The following BAZ2B variants were observed in gnomAD, a reference collection of about 807,000 sequenced individuals.
BAZ2B encodes the protein bromodomain adjacent to zinc finger domain protein 2B.
Under a neutral mutation model 246.0 loss-of-function variants are expected in BAZ2B, and 91 were observed. The observed-to-expected ratio is 0.37, with a 90% confidence interval of 0.31 to 0.44. The LOEUF is 0.44. Ranked by LOEUF, BAZ2B falls within the 20% of genes least tolerant of loss-of-function variation. The pLI is 1.00. For synonymous variants in BAZ2B, 855 were observed against 860.0 expected (o/e 0.99, Z 0.10); for missense variants, 2,332 against 2,533.7 (o/e 0.92, Z 1.71).
chr2:159,690,512 T>C, the BAZ2B span, among the ~76,000 whole-genome samples: 1 of 152,118 alleles, frequency 6.6e-6, no homozygotes, highest in South Asian at 2.1e-4. Context: ...TAGTTATTGA[T>C]ACATATATAT....
At chr2:159,711,356 T>C in the BAZ2B span, among the ~76,000 whole-genome samples, 2 of 152,232 alleles carry the variant, frequency 1.3e-5, no homozygotes, top group Admixed American at 1.3e-4. Context: ...TACCTTTAAG[T>C]CTTTAAAATT....
At chr2:159,324,478 T>G (rs2063160000) in intron 36 of BAZ2B, among the ~76,000 whole-genome samples, 2 of 152,100 alleles carry the variant, frequency 1.3e-5, no homozygotes, top group African/African-American at 4.8e-5. Flanking sequence ...GTTACTTACT[T>G]TGGGAGGCTC....
chr2:159,347,410 CAT>C, intron 31 of BAZ2B, 74 bp downstream of exon 31: 2 of 1,418,380 alleles, frequency 1.4e-6, no homozygotes, highest in East Asian at 4.6e-5. Flanking sequence ...CATTAACTAG[CAT>C]ATATTAGGCA....
At chr2:159,400,730 G>C in intron 16 of BAZ2B, 66 bp from the exon 17 acceptor site, 2 of 961,096 alleles carry the variant, frequency 2.1e-6, no homozygotes, top group Non-Finnish European at 3.2e-6. Flanking sequence ...GTATTTGAGT[G>C]GAATCAAATA....
At chr2:159,316,420 C>T (rs1023818299), downstream of BAZ2B, among the ~76,000 whole-genome samples, 18 of 151,930 alleles carry the variant, frequency 1.2e-4, no homozygotes, top group African/African-American at 4.1e-4. Context: ...TGGCCGGGCG[C>T]GGTGGCTCAC....
At chr2:159,576,411 CAAAT>C (rs1685302380) in intron 1 of BAZ2B, among the ~76,000 whole-genome samples, 1 of 150,104 alleles carries the variant, frequency 6.7e-6, no homozygotes, top group South Asian at 2.1e-4. Flanking sequence ...TAAAAACGAA[CAAAT>C]AAATAAGAAA....
At chr2:159,374,633 C>A in intron 26 of BAZ2B, 58 bp downstream of exon 26, 4 of 1,469,894 alleles carry the variant, frequency 2.7e-6, no homozygotes, top group Non-Finnish European at 3.8e-6. Context: ...AATCCCCTTA[C>A]AATGTAGATT....
intron 2 of BAZ2B, among the ~76,000 whole-genome samples, chr2:159,506,701 G>A (rs902484675): frequency 4.6e-5 from 7 of 152,154 alleles, no homozygotes; most frequent in Non-Finnish European, 1.5e-5. Flanking sequence ...TAAGAATACA[G>A]GACCAACAAG....
chr2:159,607,963 T>C (rs1428839685), intron 1 of BAZ2B, among the ~76,000 whole-genome samples: 1 of 152,236 alleles, frequency 6.6e-6, no homozygotes, highest in Non-Finnish European at 1.5e-5. Flanking sequence ...TTATTAATAC[T>C]AGAATAATAC....
intron 13 of BAZ2B, chr2:159,419,694 G>A (rs891597569): frequency 3.9e-5 from 6 of 152,284 alleles, no homozygotes; most frequent in Non-Finnish European, 7.3e-5. Context: ...AATAGTCAAC[G>A]ACTTTCAATA....
intron 2 of BAZ2B, among the ~76,000 whole-genome samples, chr2:159,502,494 C>T (rs1181111451): frequency 6.6e-6 from 1 of 150,686 alleles, no homozygotes; most frequent in Non-Finnish European, 1.5e-5. Flanking sequence ...ATTAGCCAAG[C>T]ATGGTGGCAC....
intron 26 of BAZ2B, among the ~76,000 whole-genome samples, chr2:159,374,067 T>G (rs1474064740): frequency 1.9e-5 from 2 of 107,192 alleles, no homozygotes; most frequent in East Asian, 2.8e-4. Flanking sequence ...TTTTTCTTAG[T>G]TTTTTTTTCT....
chr2:159,668,177 A>C, the BAZ2B span, among the ~76,000 whole-genome samples: 10 of 152,180 alleles, frequency 6.6e-5, no homozygotes, highest in African/African-American at 2.4e-4. Context: ...AGTATATAAA[A>C]TATTCAACTC....
chr2:159,438,493 A>G lies in BAZ2B; in HGVS notation c.1103T>C (p.Val368Ala). ...FQSSQAKEES[V>A]NKHTSVIQST... ...CTGTATTACACTGGTGTGTTTGTTC[A>G]CAGATTCCTCCTTTGCCTGAGAGCT... The change falls in exon 8 of 37, where the codon GTG (valine) becomes GCG (alanine). Residue 368 changes from valine (V) to alanine (A), a missense_variant. Coordinates refer to ENST00000392783, the MANE Select transcript of BAZ2B (RefSeq NM_013450.4). 6.2e-7 allele frequency: 1 copy of G among 1,614,166 alleles called. No individual in the cohort carries two copies. Among genetic ancestry groups the G allele is most frequent in the African/African-American group, 1.3e-5 (1 of 75,054 alleles).
chr2:159,453,465 A>T, intron 4 of BAZ2B, 148 bp downstream of exon 4: 1 of 892,250 alleles, frequency 1.1e-6, no homozygotes, highest in African/African-American at 1.7e-5. Context: ...TTTTTTGCAC[A>T]TGATAAATAG....
At chr2:159,440,405 A>G (rs1003567258) in intron 6 of BAZ2B, among the ~76,000 whole-genome samples, 5 of 152,174 alleles carry the variant, frequency 3.3e-5, no homozygotes, top group African/African-American at 1.2e-4. Flanking sequence ...CCACGGTTAC[A>G]GATTGCAAAT....
intron 1 of BAZ2B, among the ~76,000 whole-genome samples, chr2:159,608,281 G>A (rs1341528940): frequency 1.3e-5 from 2 of 152,212 alleles, no homozygotes; most frequent in Non-Finnish European, 2.9e-5. Context: ...GACTGAGGCG[G>A]TGGGGATCCC....
At chr2:159,362,282 G>C (rs1255397904) in intron 27 of BAZ2B, among the ~76,000 whole-genome samples, 1 of 152,082 alleles carries the variant, frequency 6.6e-6, no homozygotes, top group Non-Finnish European at 1.5e-5. Flanking sequence ...TGTTCTCAGC[G>C]TCCTCCCTAT....
At chr2:159,410,705 G>C (rs2066697640) in intron 14 of BAZ2B, among the ~76,000 whole-genome samples, 1 of 152,164 alleles carries the variant, frequency 6.6e-6, no homozygotes, top group Non-Finnish European at 1.5e-5. Context: ...ATAACTGCTA[G>C]GCAGTTAAGC....
Sources: allele counts gnomAD v4.1 joint callset (sites outside exome capture counted in the v4.1 genomes callset), GRCh38; gene constraint gnomAD v4.1.1; transcripts MANE v1.5; gene names NCBI Gene and HGNC (gene_info 2026-07-23, HGNC 2026-07-21).